NUBPL: variants seen among roughly 807,000 people sequenced by gnomAD.
NUBPL encodes iron-sulfur cluster transfer protein NUBPL.
Under a neutral mutation model 45.7 loss-of-function variants are expected in NUBPL, and 31 were observed. The ratio of observed to expected loss-of-function variants is 0.68; its 90% CI spans 0.51 to 0.92. The LOEUF (loss-of-function observed/expected upper bound fraction) is 0.92. Among genes scored for constraint, NUBPL ranks in the 40% least tolerant of loss-of-function variants. The pLI, the probability that NUBPL is intolerant of heterozygous loss-of-function variation, is 0.00. For missense variants in NUBPL, 401 were observed against 398.7 expected (o/e 1.01, Z -0.05); for synonymous variants, 144 against 140.9 (o/e 1.02, Z -0.15).
intron 7 of NUBPL, 26 bp from the exon 8 acceptor site, chr14:31,826,603 A>G: frequency 1.9e-6 from 3 of 1,595,864 alleles, no homozygotes; most frequent in Non-Finnish European, 2.6e-6. Context: ...TTAAAAGATA[A>G]TAGTATTTTG....
chr14:31,746,926 C>G (rs1489170209), intron 6 of NUBPL, among the ~76,000 whole-genome samples: 6 of 151,516 alleles, frequency 4.0e-5, no homozygotes, highest in African/African-American at 1.5e-4. Flanking sequence ...AAAAATTAGC[C>G]AGATGTGGTG....
At chr14:31,735,807 G>A (rs1461854277) in intron 6 of NUBPL, among the ~76,000 whole-genome samples, 1 of 152,090 alleles carries the variant, frequency 6.6e-6, no homozygotes, top group Non-Finnish European at 1.5e-5. Flanking sequence ...AGTCGGGATT[G>A]CACCACTGCA....
chr14:31,648,983 T>C (rs1453641232), intron 4 of NUBPL, among the ~76,000 whole-genome samples: 1 of 152,012 alleles, frequency 6.6e-6, no homozygotes, highest in Non-Finnish European at 1.5e-5. Flanking sequence ...TAATTTTTTT[T>C]ATTTTTAGTA....
intron 8 of NUBPL, among the ~76,000 whole-genome samples, chr14:31,835,471 T>C (rs1302071262): frequency 6.6e-6 from 1 of 152,220 alleles, no homozygotes; most frequent in Non-Finnish European, 1.5e-5. Context: ...ATCTCATTGG[T>C]CACTATGGCA....
At chr14:31,857,303 G>A (rs747114936) in intron 10 of NUBPL, among the ~76,000 whole-genome samples, 42 of 152,102 alleles carry the variant, frequency 2.8e-4, no homozygotes, top group Admixed American at 9.2e-4. Flanking sequence ...CACACAACAC[G>A]GGGACTCTGG....
At chr14:31,663,839 A>T (rs560095922) in intron 4 of NUBPL, among the ~76,000 whole-genome samples, 1 of 152,164 alleles carries the variant, frequency 6.6e-6, no homozygotes, top group Admixed American at 6.5e-5. Context: ...CAGTATGGCC[A>T]TTTTCACAAT....
chr14:31,603,258 C>T (rs1276755226), intron 4 of NUBPL, among the ~76,000 whole-genome samples: 3 of 144,904 alleles, frequency 2.1e-5, no homozygotes, highest in South Asian at 2.2e-4. Context: ...CATGACTGCA[C>T]CACTGTACTC....
At chr14:31,667,367 A>C (rs2036458069) in intron 4 of NUBPL, among the ~76,000 whole-genome samples, 1 of 151,782 alleles carries the variant, frequency 6.6e-6, no homozygotes, top group South Asian at 2.1e-4. Flanking sequence ...TGTATGCTTC[A>C]TGAAGTTCTC....
chr14:31,594,652 C>T (rs1480284634), intron 3 of NUBPL, among the ~76,000 whole-genome samples: 1 of 151,984 alleles, frequency 6.6e-6, no homozygotes, highest in Non-Finnish European at 1.5e-5. Flanking sequence ...AAATTGTTCT[C>T]TTATCACCTT....
chr14:31,738,321 C>T (rs1269285482), intron 6 of NUBPL, among the ~76,000 whole-genome samples: 1 of 152,132 alleles, frequency 6.6e-6, no homozygotes, highest in Admixed American at 6.5e-5. Flanking sequence ...TTAGGATTCT[C>T]TTCACCAGAG....
chr14:31,707,931 G>T (rs1443123333), intron 6 of NUBPL, among the ~76,000 whole-genome samples: 1 of 152,154 alleles, frequency 6.6e-6, no homozygotes, highest in Non-Finnish European at 1.5e-5. Flanking sequence ...AAACCCTTGG[G>T]GCAAGACTGT....
At chr14:31,601,876 A>G (rs1175919310) in intron 4 of NUBPL, among the ~76,000 whole-genome samples, 2 of 152,172 alleles carry the variant, frequency 1.3e-5, no homozygotes, top group Admixed American at 6.5e-5. Flanking sequence ...TGACCCAGCC[A>G]TCCCATTACT....
At chr14:31,759,070 A>G (rs761338957) in intron 6 of NUBPL, among the ~76,000 whole-genome samples, 28 of 133,498 alleles carry the variant, frequency 2.1e-4, no homozygotes, top group Non-Finnish European at 4.6e-4. Flanking sequence ...TATCGACTTT[A>G]AAAAAAACAA....
chr14:31,843,782 T>C (rs1283892696), intron 8 of NUBPL: 1 of 152,242 alleles, frequency 6.6e-6, no homozygotes, highest in South Asian at 2.1e-4. Flanking sequence ...AAGGAAGCCC[T>C]CTCTGACTCC....
chr14:31,689,113 G>T (rs969215387), intron 6 of NUBPL, among the ~76,000 whole-genome samples: 2 of 152,012 alleles, frequency 1.3e-5, no homozygotes, highest in African/African-American at 4.8e-5. Context: ...ATTGTGAATA[G>T]TGCTGCAGGG....
At chr14:31,802,319 A>T (rs1230785383) in intron 7 of NUBPL, among the ~76,000 whole-genome samples, 1 of 151,256 alleles carries the variant, frequency 6.6e-6, no homozygotes, top group Non-Finnish European at 1.5e-5. Flanking sequence ...CTCTGTCACC[A>T]GGCTGGAGTG....
At chr14:31,635,910 A>C (rs1453513798) in intron 4 of NUBPL, among the ~76,000 whole-genome samples, 1 of 152,090 alleles carries the variant, frequency 6.6e-6, no homozygotes, top group African/African-American at 2.4e-5. Flanking sequence ...TTGGTGTGTA[A>C]GAATGCTTGT....
At chr14:31,722,638 T>C (rs1428547710) in intron 6 of NUBPL, among the ~76,000 whole-genome samples, 2 of 152,202 alleles carry the variant, frequency 1.3e-5, no homozygotes, top group Non-Finnish European at 1.5e-5. Context: ...TTCTGATTGG[T>C]GTGAGATGGT....
At chr14:31,730,571 C>T (rs937369668) in intron 6 of NUBPL, among the ~76,000 whole-genome samples, 1 of 151,478 alleles carries the variant, frequency 6.6e-6, no homozygotes, top group Non-Finnish European at 1.5e-5. Context: ...TCACGCCATT[C>T]TCCTGCCTCA....
Sources: allele counts gnomAD v4.1 joint callset (sites outside exome capture counted in the v4.1 genomes callset), GRCh38; gene constraint gnomAD v4.1.1; transcripts MANE v1.5; gene names NCBI Gene and HGNC (gene_info 2026-07-23, HGNC 2026-07-21).